The following LARP4 variants were observed in gnomAD, a reference collection of about 807,000 sequenced individuals.
LARP4 encodes the protein la-related protein 4.
In LARP4, 29 loss-of-function variants were observed where a neutral mutation model predicts 92.9. The observed-to-expected ratio is 0.31, with a 90% CI of 0.23 to 0.43. LARP4 has a LOEUF of 0.43. Among genes scored for constraint, LARP4 ranks in the 20% least tolerant of loss-of-function variants. The probability of loss-of-function intolerance (pLI) is 1.00; values close to 1 mark genes in which losing one functional copy is unlikely to be tolerated. For synonymous variants in LARP4, 279 were observed against 284.1 expected (o/e 0.98, Z 0.18); for missense variants, 732 against 860.0 (o/e 0.85, Z 1.86).
chr12:50,409,475 C>T (rs543344680), intron 1 of LARP4, among the ~76,000 whole-genome samples: 25 of 151,952 alleles, frequency 1.6e-4, no homozygotes, highest in Non-Finnish European at 2.8e-4. Flanking sequence ...CAAGACCCAA[C>T]CAGGGCCAGG....
chr12:50,419,865 C>T (rs1947445059), intron 1 of LARP4, among the ~76,000 whole-genome samples: 1 of 151,916 alleles, frequency 6.6e-6, no homozygotes, highest in South Asian at 2.1e-4. Context: ...TGATCACGCC[C>T]CTGCGCTCCA....
intron 11 of LARP4, among the ~76,000 whole-genome samples, chr12:50,461,814 TG>T (rs1955432880): frequency 6.6e-6 from 1 of 151,770 alleles, no homozygotes; most frequent in African/African-American, 2.4e-5. Flanking sequence ...AAAAATTAGC[TG>T]GGCATGGTGG....
At chr12:50,401,358 G>A in intron 1 of LARP4, 1 of 319,320 alleles carries the variant, frequency 3.1e-6, no homozygotes, top group South Asian at 4.2e-5. Flanking sequence ...GGGGGGCGGA[G>A]TCTGAGGGAG....
Position 50,400,933 on chromosome 12 carries a change from T to C in LARP4, c.-78T>C. The C allele has an allele frequency of 3.1e-6, 5 of 1,596,854 alleles. No individual in the cohort carries two copies. Among genetic ancestry groups the C allele is most frequent in the Non-Finnish European group, 4.3e-6 (5 of 1,164,228 alleles). On this transcript the variant is annotated 5_prime_UTR_variant, in exon 1 of 16. Transcript: ENST00000398473. Reference sequence around the variant, plus strand: ...GGGGCAAGGCGAGTGTGTGTCCTTATCCTAGCAATTGGGGCGCGGGCCTGT... The same window carrying C: ...GGGGCAAGGCGAGTGTGTGTCCTTACCCTAGCAATTGGGGCGCGGGCCTGT...
chr12:50,463,279 A>G (rs1195027610), intron 12 of LARP4, among the ~76,000 whole-genome samples: 1 of 151,568 alleles, frequency 6.6e-6, no homozygotes, highest in Non-Finnish European at 1.5e-5. Flanking sequence ...GGACATCTTC[A>G]AAGCTCCAAA....
chr12:50,473,227 T>A (rs1957129610), intron 13 of LARP4, among the ~76,000 whole-genome samples, 188 bp from the exon 14 acceptor site: 1 of 152,196 alleles, frequency 6.6e-6, no homozygotes, highest in African/African-American at 2.4e-5. Context: ...TCCCCAACAT[T>A]TGTTAATGTT....
chr12:50,423,607 C>T (rs1948223836), intron 1 of LARP4, among the ~76,000 whole-genome samples: 2 of 152,064 alleles, frequency 1.3e-5, no homozygotes, highest in Non-Finnish European at 2.9e-5. Context: ...GGCCACCACG[C>T]CCGGCTAATG....
chr12:50,415,162 C>T (rs775270781), intron 1 of LARP4, among the ~76,000 whole-genome samples: 1 of 152,142 alleles, frequency 6.6e-6, no homozygotes, highest in Non-Finnish European at 1.5e-5. Context: ...GAGATCGTGC[C>T]ATTGCATTAC....
chr12:50,442,969 C>T (rs1166110905), intron 8 of LARP4, among the ~76,000 whole-genome samples: 4 of 152,048 alleles, frequency 2.6e-5, no homozygotes, highest in Non-Finnish European at 5.9e-5. Context: ...TGTTCTTCTC[C>T]CTTTTATCTT....
In LARP4 at chr12:50,440,593, A is replaced by G. The variant is rs116335691; in HGVS notation, c.750+44A>G. 3.5e-3 allele frequency: 4,410 copies of G among 1,268,036 alleles called. 106 individuals carry two copies. In the African/African-American group the frequency reaches 0.044, roughly 13 times the overall value. The allele number at this position is 1,268,036 out of a possible 1,614,324, so 78.5% of individuals were successfully genotyped here. A position where few individuals can be genotyped will look rare whatever the true frequency, so the allele number is the denominator to read the frequency against. On this transcript the variant is annotated intron_variant, in intron 7 of 15. Coordinates refer to ENST00000398473, the MANE Select transcript of LARP4 (RefSeq NM_052879.5). Reference sequence around the variant, plus strand: ...CTGATACAAGTCCATCCTAGTGGCAAAATAAGTAGTGGTATATTTTAATTG... The same window carrying G: ...CTGATACAAGTCCATCCTAGTGGCAGAATAAGTAGTGGTATATTTTAATTG...
intron 12 of LARP4, among the ~76,000 whole-genome samples, chr12:50,464,149 A>G (rs775148966): frequency 1.3e-5 from 2 of 152,138 alleles, no homozygotes; most frequent in African/African-American, 2.4e-5. Flanking sequence ...CCGTTCTCAC[A>G]TTGCTGTAAA....
chr12:50,437,265 T>A (rs1199617133), intron 5 of LARP4, among the ~76,000 whole-genome samples: 3 of 152,152 alleles, frequency 2.0e-5, no homozygotes, highest in Non-Finnish European at 2.9e-5. Flanking sequence ...AGCTTATAAT[T>A]TGCATATAGT....
intron 6 of LARP4, among the ~76,000 whole-genome samples, chr12:50,438,273 C>T (rs577147583): frequency 4.9e-4 from 75 of 151,792 alleles, no homozygotes; most frequent in East Asian, 1.7e-3. Flanking sequence ...CTGAGGCAGG[C>T]GGATCGTGAG....
chr12:50,461,472 TAC>T, intron 11 of LARP4, 125 bp downstream of exon 11: 1 of 1,002,422 alleles, frequency 1.0e-6, no homozygotes, highest in Non-Finnish European at 1.5e-6. Flanking sequence ...ATTAAATAAA[TAC>T]GTTATTTTCA....
rs116076203 is a variant in LARP4 at position 50,472,560 on chromosome 12, C to T, written c.1546-855C>T. Among the ~76,000 whole-genome samples, 954 of 151,752 alleles carry T rather than the reference C, an allele frequency of 6.3e-3. 15 individuals carry two copies. Among genetic ancestry groups the T allele is most frequent in the African/African-American group, 0.022 (909 of 41,364 alleles). ...TTTGAGACACGGTCTTGCTCTGTTC[C>T]CAGGAGGGAGTGCCGTGGTACTATC... On this transcript the variant is annotated intron_variant, in intron 13 of 15. Coordinates refer to ENST00000398473, the MANE Select transcript of LARP4 (RefSeq NM_052879.5).
At chr12:50,446,821 C>T (rs930020048) in intron 8 of LARP4, among the ~76,000 whole-genome samples, 1 of 152,020 alleles carries the variant, frequency 6.6e-6, no homozygotes, top group Non-Finnish European at 1.5e-5. Context: ...TATGACATTA[C>T]TTAGGTAAAA....
chr12:50,434,176 T>A (rs1950084180), intron 4 of LARP4, among the ~76,000 whole-genome samples: 1 of 152,078 alleles, frequency 6.6e-6, no homozygotes, highest in Non-Finnish European at 1.5e-5. Flanking sequence ...CAGTTTTAAA[T>A]AGGGTGATCA....
At position 50,476,599 on chromosome 12, in the gene LARP4, G is replaced by A. The variant is rs970489302; in HGVS notation, c.*735G>A. The stretch of plus-strand genomic sequence containing the variant: ...CCAATCAGTTTGATACTCAAGGAAA[G>A]GGGGTTATTCAAGAAATTGAAAATT... On this transcript the variant is annotated 3_prime_UTR_variant, in exon 16 of 16. Coordinates refer to ENST00000398473, the MANE Select transcript of LARP4 (RefSeq NM_052879.5). 2.0e-5 allele frequency: 3 copies of A among 152,546 alleles called. No individual in the cohort carries two copies. The highest frequency in any genetic ancestry group is 4.4e-5 in the Non-Finnish European group (3 of 68,026). 9.4% of individuals were successfully genotyped at this position (152,546 alleles called of 1,614,324 possible). A position where few individuals can be genotyped will look rare whatever the true frequency, so the allele number is the denominator to read the frequency against.
intron 10 of LARP4, among the ~76,000 whole-genome samples, chr12:50,460,268 G>GT (rs989906581): frequency 5.9e-5 from 9 of 152,192 alleles, no homozygotes; most frequent in Non-Finnish European, 1.2e-4. Context: ...TAAGGTAGAA[G>GT]TAAGTTTCTT....
Sources: allele counts gnomAD v4.1 joint callset (sites outside exome capture counted in the v4.1 genomes callset), GRCh38; gene constraint gnomAD v4.1.1; transcripts MANE v1.5; gene names NCBI Gene and HGNC (gene_info 2026-07-23, HGNC 2026-07-21).